The following PPP2R5E variants were observed in gnomAD, a reference collection of about 807,000 sequenced individuals.
The protein encoded by PPP2R5E is protein phosphatase 2 regulatory subunit B'epsilon, also known as serine/threonine-protein phosphatase 2A 56 kDa regulatory subunit epsilon isoform.
In PPP2R5E, 4 loss-of-function variants were observed where a neutral mutation model predicts 65.3. The ratio of observed to expected loss-of-function variants is 0.06; its 90% CI spans 0.03 to 0.14. The LOEUF (loss-of-function observed/expected upper bound fraction) is 0.14, where lower values mean the gene tolerates loss of function less well. PPP2R5E is among the 10% of genes least tolerant of loss of function. The probability of loss-of-function intolerance (pLI) is 1.00; values close to 1 mark genes in which losing one functional copy is unlikely to be tolerated. For synonymous variants in PPP2R5E, 183 were observed against 187.4 expected (o/e 0.98, Z 0.19); for missense variants, 274 against 556.1 (o/e 0.49, Z 5.10).
chr14:63,445,821 A>T (rs1474115137), intron 3 of PPP2R5E, among the ~76,000 whole-genome samples: 1 of 151,508 alleles, frequency 6.6e-6, no homozygotes, highest in Non-Finnish European at 1.5e-5. Context: ...CAGCCTGGGC[A>T]ATAGAGTGAG....
chr14:63,513,408 C>G (rs112036481), intron 2 of PPP2R5E, among the ~76,000 whole-genome samples: 4,717 of 152,266 alleles, frequency 0.031, 179 homozygotes, highest in African/African-American at 0.082. Flanking sequence ...ACTGTACAAT[C>G]TTTCAAAAAT....
At chr14:63,399,835 T>C (rs1363246447) in intron 5 of PPP2R5E, among the ~76,000 whole-genome samples, 1 of 152,132 alleles carries the variant, frequency 6.6e-6, no homozygotes. Flanking sequence ...CAAATTAGAC[T>C]ACCATCGTCA....
At chr14:63,477,861 T>C (rs951057789) in intron 2 of PPP2R5E, among the ~76,000 whole-genome samples, 1 of 151,096 alleles carries the variant, frequency 6.6e-6, no homozygotes, top group East Asian at 1.9e-4. Flanking sequence ...AAAATTTAAA[T>C]ATATATATAT....
chr14:63,540,197 G>A (rs370186822), intron 1 of PPP2R5E, among the ~76,000 whole-genome samples: 353 of 151,644 alleles, frequency 2.3e-3, no homozygotes, highest in Non-Finnish European at 4.2e-3. Context: ...TTGGGAGGCC[G>A]AGGTGGGTGG....
At chr14:63,467,250 A>AAAC in intron 2 of PPP2R5E, among the ~76,000 whole-genome samples, 2 of 150,794 alleles carry the variant, frequency 1.3e-5, no homozygotes, top group African/African-American at 4.9e-5. Flanking sequence ...AAACAAAAAA[A>AAAC]ACACTATTTA....
At chr14:63,502,149 T>C (rs555505218) in intron 2 of PPP2R5E, among the ~76,000 whole-genome samples, 78 of 152,206 alleles carry the variant, frequency 5.1e-4, no homozygotes, top group African/African-American at 1.9e-3. Context: ...CCTGCCCTGG[T>C]CTCCCAAAGT....
chr14:63,472,145 C>G (rs931340148), intron 2 of PPP2R5E, among the ~76,000 whole-genome samples: 6 of 152,118 alleles, frequency 3.9e-5, no homozygotes, highest in African/African-American at 1.4e-4. Context: ...ACCAAAAATA[C>G]AAAAATTAAT....
chr14:63,420,614 G>A (rs141209338), intron 4 of PPP2R5E, among the ~76,000 whole-genome samples: 25 of 152,310 alleles, frequency 1.6e-4, no homozygotes, highest in Admixed American at 1.4e-3. Context: ...AATAGCACAC[G>A]TGTGTACTTG....
intron 2 of PPP2R5E, among the ~76,000 whole-genome samples, chr14:63,534,871 C>T (rs1262113940): frequency 1.3e-5 from 2 of 152,172 alleles, no homozygotes; most frequent in Non-Finnish European, 2.9e-5. Flanking sequence ...CCTCCCAACT[C>T]TGTCTCCCTA....
chr14:63,528,869 G>A (rs545589341), intron 2 of PPP2R5E, among the ~76,000 whole-genome samples: 56 of 152,174 alleles, frequency 3.7e-4, no homozygotes, highest in Non-Finnish European at 5.6e-4. Flanking sequence ...GGCACTGTTC[G>A]AAGCCCTAGA....
intron 2 of PPP2R5E, among the ~76,000 whole-genome samples, chr14:63,483,715 G>A (rs959230795): frequency 2.0e-5 from 3 of 152,080 alleles, no homozygotes; most frequent in East Asian, 1.9e-4. Flanking sequence ...AGACAGAGAC[G>A]TATTGACATT....
chr14:63,421,555 T>C (rs1417485921), intron 4 of PPP2R5E, among the ~76,000 whole-genome samples: 1 of 152,232 alleles, frequency 6.6e-6, no homozygotes, highest in East Asian at 1.9e-4. Flanking sequence ...AGTTTGGTTT[T>C]GTCCTTCTAA....
At chr14:63,496,003 A>G (rs1276126011) in intron 2 of PPP2R5E, among the ~76,000 whole-genome samples, 1 of 152,066 alleles carries the variant, frequency 6.6e-6, no homozygotes, top group Non-Finnish European at 1.5e-5. Flanking sequence ...GCATATGGTT[A>G]AGCCATCTAC....
chr14:63,376,285 A>G (rs1294406854), intron 13 of PPP2R5E, among the ~76,000 whole-genome samples, 177 bp from the exon 14 acceptor site: 1 of 152,248 alleles, frequency 6.6e-6, no homozygotes, highest in Non-Finnish European at 1.5e-5. Flanking sequence ...TTATTGTAAA[A>G]TCAAGGGCAT....
intron 2 of PPP2R5E, among the ~76,000 whole-genome samples, chr14:63,476,914 A>G (rs1890439411): frequency 6.6e-6 from 1 of 152,184 alleles, no homozygotes; most frequent in African/African-American, 2.4e-5. Context: ...AAGAGGAAGC[A>G]CTTAGACTGT....
chr14:63,394,546 T>A (rs752298661), intron 7 of PPP2R5E, among the ~76,000 whole-genome samples: 1 of 152,214 alleles, frequency 6.6e-6, no homozygotes, highest in African/African-American at 2.4e-5. Context: ...TCCCTTTTCC[T>A]TCTCCAAATA....
intron 3 of PPP2R5E, among the ~76,000 whole-genome samples, chr14:63,444,362 C>G (rs1888377012): frequency 6.6e-6 from 1 of 152,208 alleles, no homozygotes; most frequent in African/African-American, 2.4e-5. Context: ...TCCCTTTACT[C>G]CTTCCTTGCC....
intron 13 of PPP2R5E, among the ~76,000 whole-genome samples, chr14:63,377,043 G>A (rs1296036358): frequency 6.6e-6 from 1 of 151,942 alleles, no homozygotes; most frequent in East Asian, 1.9e-4. Context: ...TGAGTCAGGA[G>A]AATCGCTTGA....
At chr14:63,444,271 C>T (rs1388570198) in intron 3 of PPP2R5E, among the ~76,000 whole-genome samples, 1 of 152,198 alleles carries the variant, frequency 6.6e-6, no homozygotes, top group African/African-American at 2.4e-5. Flanking sequence ...TAAGTTCAGC[C>T]ACATTCATCT....
Sources: gnomAD v4.1 joint callset for allele counts (sites outside exome capture counted in the v4.1 genomes callset) on GRCh38, gnomAD v4.1.1 for gene constraint, MANE v1.5 for transcripts, NCBI Gene and HGNC (gene_info 2026-07-23, HGNC 2026-07-21) for gene names.